GRID2: variants seen among roughly 807,000 people sequenced by gnomAD.
GRID2 encodes glutamate receptor ionotropic, delta-2.
Under a neutral mutation model 114.8 loss-of-function variants are expected in GRID2, and 33 were observed. That is an observed-to-expected ratio of 0.29 (90% CI 0.22 to 0.38). The LOEUF is 0.38. Ranked by LOEUF, GRID2 falls within the 10% of genes least tolerant of loss-of-function variation. The probability of loss-of-function intolerance (pLI) is 1.00; values close to 1 mark genes in which losing one functional copy is unlikely to be tolerated. For missense variants in GRID2, 1,184 were observed against 1,257.7 expected (o/e 0.94, Z 0.89); for synonymous variants, 505 against 449.9 (o/e 1.12, Z -1.55).
intron 8 of GRID2, among the ~76,000 whole-genome samples, chr4:93,340,023 A>G (rs1026884273): frequency 6.6e-6 from 1 of 152,118 alleles, no homozygotes; most frequent in African/African-American, 2.4e-5. Context: ...GGGGATTATA[A>G]TTCTGATGAG....
At chr4:92,612,189 A>G (rs1313914283) in intron 2 of GRID2, among the ~76,000 whole-genome samples, 3 of 151,436 alleles carry the variant, frequency 2.0e-5, no homozygotes, top group East Asian at 3.9e-4. Context: ...GGGAAATCCA[A>G]TTTAACCTGA....
chr4:93,453,940 A>T (rs1199726092), intron 10 of GRID2, among the ~76,000 whole-genome samples: 1 of 152,086 alleles, frequency 6.6e-6, no homozygotes, highest in Non-Finnish European at 1.5e-5. Flanking sequence ...ACAATAATGA[A>T]ACTGAACAGT....
intron 4 of GRID2, among the ~76,000 whole-genome samples, chr4:93,128,159 C>G (rs748608498): frequency 6.7e-6 from 1 of 148,462 alleles, no homozygotes; most frequent in Non-Finnish European, 1.5e-5. Context: ...GTATGCCTAA[C>G]TCCCACTAAA....
Position 92,590,255 on chromosome 4 carries a change from T to G in GRID2, c.213T>G (p.Asp71Glu). The G allele has an allele frequency of 6.2e-7, 1 of 1,613,652 alleles. No individual in the cohort carries two copies. Among genetic ancestry groups the G allele is most frequent in the Non-Finnish European group, 8.5e-7 (1 of 1,179,620 alleles). ...EKITFSVTFV[D>E]GNNPFQAVQE... Reference sequence around the variant, plus strand: ...TCACATTTTCAGTGACGTTTGTTGATGGCAACAACCCTTTCCAAGCAGTTC... The same window carrying G: ...TCACATTTTCAGTGACGTTTGTTGAGGGCAACAACCCTTTCCAAGCAGTTC... Residue 71 changes from aspartate to glutamate, a missense_variant, in exon 2 of 16, where the codon GAT becomes GAG. Around this residue, in one of 3 missense-constraint regions of GRID2, gnomAD observed 455 missense variants for 429.5 expected, o/e 1.06. Transcript: ENST00000282020.
chr4:93,260,912 TA>T (rs1397111265), intron 8 of GRID2, among the ~76,000 whole-genome samples: 1 of 151,770 alleles, frequency 6.6e-6, no homozygotes, highest in African/African-American at 2.4e-5. Context: ...TGGTCCTAAT[TA>T]AAACATTGGC....
chr4:93,662,727 T>TA (rs943837791), intron 14 of GRID2, among the ~76,000 whole-genome samples: 6 of 152,076 alleles, frequency 3.9e-5, no homozygotes, highest in Non-Finnish European at 8.8e-5. Flanking sequence ...GCTATCAAAA[T>TA]AAAAAAATGA....
chr4:92,915,713 G>A, intron 2 of GRID2, among the ~76,000 whole-genome samples: 1 of 152,102 alleles, frequency 6.6e-6, no homozygotes, highest in East Asian at 1.9e-4. Flanking sequence ...TTACTGCATA[G>A]CGTGGCCAGC....
intron 13 of GRID2, among the ~76,000 whole-genome samples, chr4:93,535,215 T>TAC (rs1351279123): frequency 1.6e-5 from 2 of 125,116 alleles, no homozygotes; most frequent in Non-Finnish European, 3.3e-5. Flanking sequence ...TTCCATTTTA[T>TAC]ACACACACAT....
chr4:92,949,392 T>C (rs1322811349), intron 2 of GRID2, among the ~76,000 whole-genome samples: 2 of 152,068 alleles, frequency 1.3e-5, no homozygotes, highest in African/African-American at 4.8e-5. Context: ...ACATGTGCCA[T>C]GTTGGTGTGC....
intron 1 of GRID2, among the ~76,000 whole-genome samples, chr4:92,349,363 CAA>C (rs900467028): frequency 1.1e-4 from 16 of 151,894 alleles, no homozygotes; most frequent in African/African-American, 3.9e-4. Flanking sequence ...GATCAATTGT[CAA>C]GTTAATAATG....
intron 4 of GRID2, among the ~76,000 whole-genome samples, chr4:93,116,778 A>G (rs890073504): frequency 6.6e-6 from 1 of 151,764 alleles, no homozygotes; most frequent in African/African-American, 2.4e-5. Flanking sequence ...CAGAGAAAAC[A>G]TCTGTGTTAG....
At chr4:93,085,766 C>T (rs759089167) in intron 3 of GRID2, among the ~76,000 whole-genome samples, 47 of 152,116 alleles carry the variant, frequency 3.1e-4, no homozygotes, top group Middle Eastern at 3.4e-3. Flanking sequence ...GTACTTAACT[C>T]CTTGGAGTCA....
At chr4:92,596,314 G>T (rs1728951839) in intron 2 of GRID2, among the ~76,000 whole-genome samples, 1 of 151,954 alleles carries the variant, frequency 6.6e-6, no homozygotes, top group Non-Finnish European at 1.5e-5. Context: ...AGTCAAGGTT[G>T]TGCCTTGAGT....
chr4:93,489,831 A>T (rs1726804871), intron 11 of GRID2, among the ~76,000 whole-genome samples: 1 of 151,966 alleles, frequency 6.6e-6, no homozygotes, highest in African/African-American at 2.4e-5. Context: ...AAATAAAATG[A>T]GTTCTGTTTT....
intron 4 of GRID2, among the ~76,000 whole-genome samples, chr4:93,150,317 A>G (rs1158982922): frequency 1.3e-5 from 2 of 152,154 alleles, no homozygotes; most frequent in Non-Finnish European, 2.9e-5. Flanking sequence ...CCTAACCATT[A>G]TATCTATTAT....
At chr4:93,455,569 A>G in intron 10 of GRID2, 93 bp from the exon 11 acceptor site, 1 of 724,600 alleles carries the variant, frequency 1.4e-6, no homozygotes, top group Non-Finnish European at 2.4e-6. Flanking sequence ...TGCCTGAGGC[A>G]TCTATTTTTT....
chr4:92,405,405 C>T (rs984887760), intron 1 of GRID2, among the ~76,000 whole-genome samples: 4 of 151,924 alleles, frequency 2.6e-5, no homozygotes, highest in South Asian at 2.1e-4. Context: ...CGGGGACAGA[C>T]GCTGAACTAA....
chr4:92,652,983 A>AACATATTTATAAATAC (rs1228862357), intron 2 of GRID2, among the ~76,000 whole-genome samples: 2 of 125,758 alleles, frequency 1.6e-5, no homozygotes, highest in Admixed American at 8.0e-5. Flanking sequence ...AATACATATA[A>AACATATTTATAAATAC]ATATATATAA....
At chr4:93,327,495 C>T (rs1020000864) in intron 8 of GRID2, among the ~76,000 whole-genome samples, 1 of 152,020 alleles carries the variant, frequency 6.6e-6, no homozygotes, top group Non-Finnish European at 1.5e-5. Flanking sequence ...TTTCTCAAGA[C>T]TCTCCCTTGT....
Sources: gnomAD v4.1 joint callset for allele counts (sites outside exome capture counted in the v4.1 genomes callset) on GRCh38, gnomAD v4.1.1 for gene constraint, gnomAD v4.1.1 regional missense constraint, MANE v1.5 for transcripts, NCBI Gene and HGNC (gene_info 2026-07-23, HGNC 2026-07-21) for gene names.